USH1C: variants seen among roughly 807,000 people sequenced by gnomAD.
USH1C encodes harmonin.
In USH1C, 90 loss-of-function variants were observed where a neutral mutation model predicts 119.3. The observed-to-expected ratio is 0.75, with a 90% confidence interval of 0.64 to 0.90. The LOEUF (loss-of-function observed/expected upper bound fraction) is 0.90. USH1C is among the 40% of genes least tolerant of loss of function. The probability of loss-of-function intolerance (pLI) is 0.00; values close to 1 mark genes in which losing one functional copy is unlikely to be tolerated. For synonymous variants in USH1C, 465 were observed against 443.3 expected (o/e 1.05, Z -0.62); for missense variants, 1,165 against 1,167.7 (o/e 1.00, Z 0.03).
chr11:17,512,675 A>G (rs1387134627), intron 15 of USH1C, among the ~76,000 whole-genome samples: 1 of 152,138 alleles, frequency 6.6e-6, no homozygotes, highest in African/African-American at 2.4e-5. Flanking sequence ...ACCCAGGGAC[A>G]TCAGATTTTA....
At chr11:17,526,896 G>C (rs1355418058) in intron 6 of USH1C, 86 bp from the exon 7 acceptor site, 38 of 1,583,776 alleles carry the variant, frequency 2.4e-5, no homozygotes, top group Middle Eastern at 1.7e-4. Context: ...ACCATGTCTA[G>C]AGCCTCCAGC....
intron 1 of USH1C, chr11:17,533,903 C>A (rs1213595348): frequency 5.6e-6 from 2 of 356,506 alleles, no homozygotes; most frequent in East Asian, 1.5e-4. Context: ...AGTTTCATGG[C>A]CACTCCTTCC....
intron 22 of USH1C, 69 bp from the exon 23 acceptor site, chr11:17,501,219 A>G: frequency 7.6e-7 from 1 of 1,323,578 alleles, no homozygotes; most frequent in South Asian, 1.2e-5. Flanking sequence ...GGCACCAAGG[A>G]GTCTCTTGAC....
intron 4 of USH1C, among the ~76,000 whole-genome samples, chr11:17,529,943 CAA>C (rs1291075029): frequency 3.3e-5 from 5 of 152,246 alleles, no homozygotes; most frequent in Admixed American, 6.5e-5. Flanking sequence ...CAGCTGACGC[CAA>C]GAGAGGCGCT....
chr11:17,540,480 G>A (rs756462617), intron 1 of USH1C, among the ~76,000 whole-genome samples: 6 of 152,124 alleles, frequency 3.9e-5, no homozygotes, highest in South Asian at 2.1e-4. Context: ...CATCTCAGGG[G>A]TTTAAATACC....
chr11:17,495,564 T>C lies in USH1C; in HGVS notation c.2655+5A>G. Reference sequence around the variant, plus strand: ...CAGGGCCCTGTGGCCCGCCTGCCTATTCACCGTGGGCTCCAGCTGCAGGAG... The same window carrying C: ...CAGGGCCCTGTGGCCCGCCTGCCTACTCACCGTGGGCTCCAGCTGCAGGAG... On this transcript the variant is annotated splice_donor_5th_base_variant and intron_variant, in intron 26 of 26. Transcript: ENST00000005226. 2 of 1,613,920 alleles carry C rather than the reference T, an allele frequency of 1.2e-6. No individual in the cohort carries two copies. The highest frequency in any genetic ancestry group is 1.7e-6 in the Non-Finnish European group (2 of 1,179,958).
chr11:17,533,883 TC>T, intron 1 of USH1C: 1 of 383,882 alleles, frequency 2.6e-6, no homozygotes. Context: ...CTGGGTTCTG[TC>T]CACTAGTCAG....
intron 4 of USH1C, among the ~76,000 whole-genome samples, chr11:17,530,740 C>G (rs1427426285): frequency 1.3e-5 from 2 of 152,218 alleles, no homozygotes; most frequent in Non-Finnish European, 2.9e-5. Flanking sequence ...CAGAATTGAA[C>G]CCGGCTAACC....
rs267602805 is a variant in USH1C at position 17,533,283 on chromosome 11, G to A, written c.76C>T (p.Leu26Phe). 6.2e-7 allele frequency: 1 copy of A among 1,613,746 alleles called. No individual in the cohort carries two copies. Among genetic ancestry groups the A allele is most frequent in the African/African-American group, 1.3e-5 (1 of 74,862 alleles). ...TGGTACATTCGCAGCACATCATAGAGATAGTCCTTCTCTGCATCATTTTCA... is the reference window on the plus strand; with the variant it reads ...TGGTACATTCGCAGCACATCATAGAAATAGTCCTTCTCTGCATCATTTTCA... ...LIENDAEKDY[L>F]YDVLRMYHQT... Residue 26 changes from leucine to phenylalanine, a missense_variant, in exon 2 of 27, where the codon CTC (leucine) becomes TTC (phenylalanine). Coordinates refer to ENST00000005226, the MANE Select transcript of USH1C (RefSeq NM_153676.4).
At position 17,509,628 on chromosome 11, in the gene USH1C, CA is replaced by C; in HGVS notation, c.1740del (p.Val581SerfsTer8). On this transcript the variant is annotated frameshift_variant, in exon 18 of 27. Coordinates refer to ENST00000005226, the MANE Select transcript of USH1C (RefSeq NM_153676.4). LOFTEE classifies it high-confidence loss of function. Reference protein sequence around the residue: ...SNPPHKVPAPPVLPLSGHVSA... With the variant: ...SNPPHKVPAPXVLPLSGHVSA... The stretch of plus-strand genomic sequence containing the variant: ...CTCACATGGCCAGATAAGGGAAGGA[CA>C]GGGGGCGCCGGGACCTTGTGGGGTG... The C allele has an allele frequency of 1.9e-6, 3 of 1,572,786 alleles. No individual in the cohort carries two copies. Among genetic ancestry groups the C allele is most frequent in the Non-Finnish European group, 2.6e-6 (3 of 1,169,288 alleles).
Position 17,531,603 on chromosome 11 carries a change from G to T in USH1C, c.105-61C>A. 6.3e-7 allele frequency: 1 copy of T among 1,598,460 alleles called. No homozygotes were observed. The highest frequency in any genetic ancestry group is 8.5e-7 in the Non-Finnish European group (1 of 1,175,516). The stretch of plus-strand genomic sequence containing the variant: ...CTGGCCATGACCTCAGGCACCCAGG[G>T]ATTCCAAGAGGAAGCCATTTCAGCC... On this transcript the variant is annotated intron_variant, in intron 2 of 26. Coordinates refer to ENST00000005226, the MANE Select transcript of USH1C (RefSeq NM_153676.4). The surrounding 1 kb of genome is among the most constrained non-coding windows in gnomAD (Gnocchi z 4.2).
At chr11:17,534,640 C>T (rs1328201873) in intron 1 of USH1C, among the ~76,000 whole-genome samples, 1 of 152,092 alleles carries the variant, frequency 6.6e-6, no homozygotes, top group African/African-American at 2.4e-5. Context: ...TTTGGGAGGC[C>T]GAGGTGGGCA....
In USH1C at chr11:17,495,592, A is replaced by G. The variant is rs1381687440; in HGVS notation, c.2632T>C (p.Phe878Leu). The change falls in exon 26 of 27, where the codon TTC (phenylalanine) becomes CTC (leucine). Residue 878 changes from phenylalanine (F) to leucine (L), a missense_variant. Phe to Leu is a conservative substitution (Grantham distance 22, BLOSUM62 0). Transcript: ENST00000005226. ...ACCGTGGGCTCCAGCTGCAGGAGGA[A>G]CCCGTGTCTGTGCACGGCAGCACGG... ...EDRAAVHRHG[F>L]LLQLEPTDLL... 1.7e-5 allele frequency: 28 copies of G among 1,613,920 alleles called. No homozygotes were observed. Among genetic ancestry groups the G allele is most frequent in the Non-Finnish European group, 2.3e-5 (27 of 1,180,006 alleles).
At chr11:17,533,758 G>A (rs1851104920) in intron 1 of USH1C, 3 of 461,036 alleles carry the variant, frequency 6.5e-6, no homozygotes, top group Non-Finnish European at 1.3e-5. Context: ...CTTTCAGGAA[G>A]GATTTGGGCC....
chr11:17,497,430 A>G (rs1849286240), intron 24 of USH1C, among the ~76,000 whole-genome samples: 2 of 152,172 alleles, frequency 1.3e-5, no homozygotes, highest in Non-Finnish European at 2.9e-5. Context: ...CATCCAATCC[A>G]GGTCTTCCCT....
At chr11:17,525,460 G>C (rs75636667) in intron 8 of USH1C, among the ~76,000 whole-genome samples, 11 of 152,314 alleles carry the variant, frequency 7.2e-5, no homozygotes, top group South Asian at 4.1e-4. Context: ...CTATTTAGCA[G>C]GTACTAAGTT....
intron 24 of USH1C, 152 bp from the exon 25 acceptor site, chr11:17,496,965 A>G: frequency 3.7e-6 from 3 of 800,760 alleles, no homozygotes; most frequent in East Asian, 2.7e-5. Context: ...TGTGACTTCC[A>G]TGGTCTGAGG....
At chr11:17,518,520 G>A (rs1157214829) in intron 14 of USH1C, among the ~76,000 whole-genome samples, 1 of 152,210 alleles carries the variant, frequency 6.6e-6, no homozygotes, top group African/African-American at 2.4e-5. Context: ...GGGAAGGTCT[G>A]TTAGGAGCCT....
intron 1 of USH1C, among the ~76,000 whole-genome samples, chr11:17,539,772 C>T (rs187776860): frequency 1.3e-5 from 2 of 151,458 alleles, no homozygotes; most frequent in East Asian, 3.9e-4. Flanking sequence ...CTAGGGTTCT[C>T]TCTGTCTCTG....
Sources: gnomAD v4.1 joint callset for allele counts (sites outside exome capture counted in the v4.1 genomes callset) on GRCh38, gnomAD v4.1.1 for gene constraint, Gnocchi (gnomAD v3.1) non-coding constraint, MANE v1.5 for transcripts, NCBI Gene and HGNC (gene_info 2026-07-23, HGNC 2026-07-21) for gene names.